Variants in NEDD4 observed in about 807,000 individuals in gnomAD.
NEDD4 encodes NEDD4 E3 ubiquitin protein ligase.
NEDD4 carries 99 observed loss-of-function variants against 144.9 expected under a neutral mutation model. That is an observed-to-expected ratio of 0.68 (90% CI 0.58 to 0.81). The LOEUF (loss-of-function observed/expected upper bound fraction) is 0.81, where lower values mean the gene tolerates loss of function less well. Among genes scored for constraint, NEDD4 ranks in the 30% least tolerant of loss-of-function variants. NEDD4 has a pLI of 0.00. For missense variants in NEDD4, 985 were observed against 1,065.9 expected, an observed-to-expected ratio of 0.92 and a Z score of 1.06; for synonymous variants, 318 against 350.6, an observed-to-expected ratio of 0.91 and a Z score of 1.04.
chr15:55,960,219 A>C (rs1293162299), intron 2 of NEDD4, among the ~76,000 whole-genome samples: 1 of 152,178 alleles, frequency 6.6e-6, no homozygotes. Context: ...AAGGATGCAA[A>C]GTATTGTTCC....
chr15:55,963,520 C>T (rs1373024383), intron 2 of NEDD4, among the ~76,000 whole-genome samples: 1 of 152,160 alleles, frequency 6.6e-6, no homozygotes, highest in South Asian at 2.1e-4. Context: ...TAGTATTGTA[C>T]CATTCTACCA....
chr15:55,842,504 C>T (rs921513735), intron 18 of NEDD4, among the ~76,000 whole-genome samples: 13 of 152,246 alleles, frequency 8.5e-5, no homozygotes, highest in Admixed American at 3.9e-4. Flanking sequence ...CTCTTGCTTC[C>T]GATTCCTAAG....
intron 5 of NEDD4, among the ~76,000 whole-genome samples, chr15:55,878,815 T>TTTTG: frequency 6.6e-6 from 1 of 152,198 alleles, no homozygotes; most frequent in Non-Finnish European, 1.5e-5. Context: ...AAAGTGGTTT[T>TTTTG]TTTGTTTGTT....
At chr15:55,961,758 C>G (rs560213461) in intron 2 of NEDD4, among the ~76,000 whole-genome samples, 3 of 152,010 alleles carry the variant, frequency 2.0e-5, no homozygotes, top group African/African-American at 7.3e-5. Context: ...TGTGAGCCAC[C>G]GCGCCTGGCC....
chr15:55,957,018 G>A (rs1291854188), intron 2 of NEDD4, among the ~76,000 whole-genome samples: 1 of 152,058 alleles, frequency 6.6e-6, no homozygotes, highest in Non-Finnish European at 1.5e-5. Flanking sequence ...CAAATCTTTT[G>A]TTGTATTTAT....
intron 2 of NEDD4, among the ~76,000 whole-genome samples, chr15:55,963,046 A>G (rs1347890385): frequency 6.6e-6 from 1 of 151,688 alleles, no homozygotes; most frequent in East Asian, 1.9e-4. Flanking sequence ...CAGCCTCCCT[A>G]AGTGCTAGGA....
intron 2 of NEDD4, among the ~76,000 whole-genome samples, chr15:55,964,017 T>C (rs982295039): frequency 6.6e-6 from 1 of 152,296 alleles, no homozygotes; most frequent in Middle Eastern, 3.4e-3. Flanking sequence ...TGTCATATTT[T>C]TCTCTTTTTG....
intron 1 of NEDD4, among the ~76,000 whole-genome samples, chr15:55,976,546 G>A (rs1255361740): frequency 6.6e-6 from 1 of 151,952 alleles, no homozygotes; most frequent in Non-Finnish European, 1.5e-5. Context: ...CAGTTAAAAT[G>A]GCTCTTATCC....
chr15:55,903,839 A>AAAAC (rs1555401926), intron 5 of NEDD4, among the ~76,000 whole-genome samples: 1 of 106,206 alleles, frequency 9.4e-6, no homozygotes. Context: ...AAAAAAAAAA[A>AAAAC]ACACACATAT....
intron 1 of NEDD4, among the ~76,000 whole-genome samples, chr15:55,968,318 T>C (rs1274491147): frequency 1.3e-5 from 2 of 152,158 alleles, no homozygotes; most frequent in Non-Finnish European, 2.9e-5. Flanking sequence ...TTTAAAATTT[T>C]AGAATAGTTC....
intron 11 of NEDD4, among the ~76,000 whole-genome samples, chr15:55,857,307 T>C (rs1279696436): frequency 6.6e-6 from 1 of 152,158 alleles, no homozygotes; most frequent in Non-Finnish European, 1.5e-5. Flanking sequence ...AGTGGTAAGA[T>C]AGAAGGTTTA....
At position 55,955,526 on chromosome 15, in the gene NEDD4, ATT is replaced by A. The variant is rs538217160; in HGVS notation, c.120-3939_120-3938del. Among the ~76,000 whole-genome samples the A allele has an allele frequency of 3.2e-4, 49 of 152,208 alleles. 1 individual carries two copies. The East Asian group carries it at 9.3e-3, about 29-fold the overall frequency. On this transcript the variant is annotated intron_variant, in intron 2 of 28. Coordinates refer to ENST00000435532, the MANE Select transcript of NEDD4 (RefSeq NM_006154.4). ...AGCATTCCACTCTTTGATTCTATGA[ATT>A]TGACTATTTTAGATATATAAATGTA...
At chr15:55,910,852 A>G (rs1404019307) in intron 5 of NEDD4, among the ~76,000 whole-genome samples, 1 of 152,170 alleles carries the variant, frequency 6.6e-6, no homozygotes, top group Non-Finnish European at 1.5e-5. Context: ...TTCATTTATA[A>G]TCCATGAAAC....
chr15:55,936,549 A>G (rs1320558206), intron 4 of NEDD4, among the ~76,000 whole-genome samples: 2 of 152,200 alleles, frequency 1.3e-5, no homozygotes, highest in Admixed American at 6.5e-5. Context: ...TATTACTTCT[A>G]TAACATAATA....
At chr15:55,984,788 T>C (rs957863972) in intron 1 of NEDD4, among the ~76,000 whole-genome samples, 3 of 152,324 alleles carry the variant, frequency 2.0e-5, no homozygotes, top group South Asian at 2.1e-4. Flanking sequence ...TAAACTTTGA[T>C]ACTATTGGCA....
chr15:55,960,302 C>T (rs2037404786), intron 2 of NEDD4, among the ~76,000 whole-genome samples: 1 of 152,140 alleles, frequency 6.6e-6, no homozygotes, highest in Non-Finnish European at 1.5e-5. Context: ...GCAGACACAC[C>T]CTCAATCTGG....
chr15:55,886,930 T>C (rs2035111211), intron 5 of NEDD4, among the ~76,000 whole-genome samples: 1 of 151,920 alleles, frequency 6.6e-6, no homozygotes, highest in Non-Finnish European at 1.5e-5. Flanking sequence ...AGAAGGATAT[T>C]GAAAATTTTC....
chr15:55,835,140 G>GTGT (rs2033134631), intron 24 of NEDD4, among the ~76,000 whole-genome samples: 2 of 152,192 alleles, frequency 1.3e-5, no homozygotes, highest in Admixed American at 6.5e-5. Flanking sequence ...GTTCTTGACA[G>GTGT]TGTTATGCAC....
rs754869604 is a variant in NEDD4, at chr15:55,848,793, TC to T, written c.1428+12del. 6.2e-7 allele frequency: 1 copy of T among 1,609,360 alleles called. No individual in the cohort carries two copies. The highest frequency in any genetic ancestry group is 8.5e-7 in the Non-Finnish European group (1 of 1,176,198). On this transcript the variant is annotated intron_variant, in intron 15 of 28. Coordinates refer to ENST00000435532, the MANE Select transcript of NEDD4 (RefSeq NM_006154.4). Reference sequence around the variant, plus strand: ...TAGCCAAGTTAGATGGGTTAGCATTTCTATACACTTACAGGTAAAGGCCCTA... The same window carrying T: ...TAGCCAAGTTAGATGGGTTAGCATTTTATACACTTACAGGTAAAGGCCCTA...
Sources: allele counts gnomAD v4.1 joint callset (sites outside exome capture counted in the v4.1 genomes callset), GRCh38; gene constraint gnomAD v4.1.1; transcripts MANE v1.5; gene names NCBI Gene and HGNC (gene_info 2026-07-23, HGNC 2026-07-21).